The following WDR76 variants were observed in gnomAD, a reference collection of about 807,000 sequenced individuals.
The protein encoded by WDR76 is WD repeat-containing protein 76.
In WDR76, 52 loss-of-function variants were observed where a neutral mutation model predicts 70.2. The ratio of observed to expected loss-of-function variants is 0.74; its 90% CI spans 0.59 to 0.93. The LOEUF (loss-of-function observed/expected upper bound fraction) is 0.93. Ranked by LOEUF, WDR76 falls within the 40% of genes least tolerant of loss-of-function variation. The pLI is 0.00. For missense variants in WDR76, 756 were observed against 760.2 expected, an observed-to-expected ratio of 0.99 and a Z score of 0.07; for synonymous variants, 292 against 271.1, an observed-to-expected ratio of 1.08 and a Z score of -0.76.
chr15:43,827,300 CCTT>C (rs1485643853), intron 1 of WDR76, among the ~76,000 whole-genome samples: 7 of 152,154 alleles, frequency 4.6e-5, no homozygotes, highest in Non-Finnish European at 7.3e-5. Context: ...CTTTCTTCAA[CCTT>C]CTGCGTTTTC....
intron 7 of WDR76, among the ~76,000 whole-genome samples, chr15:43,843,086 C>G (rs2140302962): frequency 7.0e-6 from 1 of 143,148 alleles, no homozygotes; most frequent in Non-Finnish European, 1.5e-5. Flanking sequence ...TGCAGTGGCA[C>G]TATCTTGGCT....
At position 43,861,316 on chromosome 15, in the gene WDR76, C is replaced by G; in HGVS notation, c.1563-17C>G. 6.2e-7 allele frequency: 1 copy of G among 1,609,956 alleles called. No individual in the cohort carries two copies. The highest frequency in any genetic ancestry group is 8.5e-7 in the Non-Finnish European group (1 of 1,176,550). On this transcript the variant is annotated splice_polypyrimidine_tract_variant and intron_variant, in intron 11 of 12. Transcript: ENST00000263795. Reference sequence around the variant, plus strand: ...TTTTAAGTAACAAAAGAATGTCTTACTCTCTTTATTTTGCAGAATTTTTGA... The same window carrying G: ...TTTTAAGTAACAAAAGAATGTCTTAGTCTCTTTATTTTGCAGAATTTTTGA...
chr15:43,862,079 A>G (rs935187162), intron 12 of WDR76, among the ~76,000 whole-genome samples: 3 of 151,108 alleles, frequency 2.0e-5, no homozygotes, highest in Non-Finnish European at 4.4e-5. Flanking sequence ...CTTGTGATCC[A>G]CCCGCCTCGG....
chr15:43,852,989 A>G (rs1398935529), intron 9 of WDR76, among the ~76,000 whole-genome samples: 1 of 152,024 alleles, frequency 6.6e-6, no homozygotes, highest in Non-Finnish European at 1.5e-5. Flanking sequence ...CCCGGGTTCA[A>G]GCAATTCTCC....
At chr15:43,849,868 A>G (rs2087834736) in intron 8 of WDR76, among the ~76,000 whole-genome samples, 1 of 152,030 alleles carries the variant, frequency 6.6e-6, no homozygotes, top group Non-Finnish European at 1.5e-5. Context: ...ATCTTTGTAC[A>G]TTTCTGCATT....
At chr15:43,846,835 C>T (rs899209377) in intron 8 of WDR76, among the ~76,000 whole-genome samples, 2 of 151,858 alleles carry the variant, frequency 1.3e-5, no homozygotes, top group East Asian at 3.9e-4. Flanking sequence ...CCAGCCTGAA[C>T]AACATGATGA....
intron 9 of WDR76, among the ~76,000 whole-genome samples, chr15:43,852,378 G>A (rs1261286161): frequency 6.6e-6 from 1 of 150,958 alleles, no homozygotes; most frequent in East Asian, 2.0e-4. Context: ...TGTCGTCGTT[G>A]TTGTTGTTGT....
chr15:43,836,820 C>T (rs1291923468), intron 4 of WDR76, among the ~76,000 whole-genome samples: 1 of 150,028 alleles, frequency 6.7e-6, no homozygotes, highest in Non-Finnish European at 1.5e-5. Flanking sequence ...CACCTGAGGT[C>T]GAGAGTTCAA....
intron 7 of WDR76, 27 bp downstream of exon 7, chr15:43,842,698 T>G (rs1327385581): frequency 1.3e-6 from 2 of 1,595,376 alleles, no homozygotes; most frequent in Non-Finnish European, 1.7e-6. Flanking sequence ...TGTGTTTCTT[T>G]TATATTTTTT....
Position 43,851,206 on chromosome 15 carries a change from G to A in WDR76, c.1152G>A (p.Thr384=), listed in dbSNP as rs111516381. 9.3e-4 allele frequency: 1,501 copies of A among 1,614,122 alleles called. 13 individuals are homozygous for A. The African/African-American group carries it at 0.018, about 19-fold the overall frequency. The change falls in exon 9 of 13, where the codon ACG becomes ACA. Residue 384 remains threonine, a synonymous_variant. Transcript: ENST00000263795. The part of the protein sequence containing the change: ...AHILSLSYDG[T]LRCGDFSRAI... ...TACTGTCACTGAGCTATGATGGCAC[G>A]TTACGCTGTGGGGATTTTTCCAGGG...
intron 8 of WDR76, among the ~76,000 whole-genome samples, chr15:43,849,827 C>G (rs547338640): frequency 4.6e-5 from 7 of 152,180 alleles, no homozygotes; most frequent in African/African-American, 1.7e-4. Context: ...AGCCACCGCG[C>G]CTGGCCTGGA....
chr15:43,834,948 A>G (rs1210751991), intron 2 of WDR76, 113 bp from the exon 3 acceptor site: 6 of 848,146 alleles, frequency 7.1e-6, no homozygotes, highest in Non-Finnish European at 1.9e-6. Context: ...ATGAATAGAG[A>G]TAGTACAATT....
At chr15:43,846,696 C>T (rs192914287) in intron 8 of WDR76, among the ~76,000 whole-genome samples, 1 of 151,952 alleles carries the variant, frequency 6.6e-6, no homozygotes, top group African/African-American at 2.4e-5. Context: ...ACATAAAAAT[C>T]CTTTTTTCAT....
Position 43,866,325 on chromosome 15 carries a change from G to A in WDR76, c.1814G>A (p.Arg605Gln), listed in dbSNP as rs140407429. Residue 605 changes from arginine (R) to glutamine (Q), a missense_variant, in exon 13 of 13, where the codon CGG (arginine) becomes CAG (glutamine). Coordinates refer to ENST00000263795, the MANE Select transcript of WDR76 (RefSeq NM_024908.4). ...TCCATCAATGCCATGCACCCAACTC[G>A]GTATATTTTGGCTGGAGGTAATTCC... ...VCSINAMHPT[R>Q]YILAGGNSSG... 7.4e-6 allele frequency: 12 copies of A among 1,613,924 alleles called. No individual in the cohort carries two copies. The highest frequency in any genetic ancestry group is 2.2e-5 in the East Asian group (1 of 44,886).
chr15:43,856,799 A>G (rs965310716), intron 9 of WDR76, 147 bp from the exon 10 acceptor site: 1 of 659,288 alleles, frequency 1.5e-6, no homozygotes, highest in Non-Finnish European at 2.6e-6. Context: ...TGTTTCCATT[A>G]TGTCCTGTGC....
At chr15:43,839,777 A>C in intron 5 of WDR76, 49 bp downstream of exon 5, 1 of 1,526,560 alleles carries the variant, frequency 6.6e-7, no homozygotes, top group Non-Finnish European at 8.8e-7. Context: ...AATACTGAAA[A>C]ATTTGAAGTG....
chr15:43,834,467 AT>A (rs34962536), intron 2 of WDR76, among the ~76,000 whole-genome samples: 84,050 of 137,030 alleles, frequency 0.61, 26,680 homozygotes, highest in East Asian at 0.72. Flanking sequence ...TACCTGGCTA[AT>A]TTTTTTTTTT....
chr15:43,856,803 C>G, intron 9 of WDR76, 143 bp from the exon 10 acceptor site: 1 of 670,674 alleles, frequency 1.5e-6, no homozygotes, highest in Non-Finnish European at 2.5e-6. Context: ...TCCATTATGT[C>G]CTGTGCATCT....
In WDR76 at chr15:43,858,832, G is replaced by A. The variant is rs547917744; in HGVS notation, c.1562+9G>A. 2.5e-6 allele frequency: 4 copies of A among 1,610,862 alleles called. No homozygotes were observed. The highest frequency in any genetic ancestry group is 2.7e-5 in the African/African-American group (2 of 74,828). ...GCTGATTGTAATCTGAGGTAAATTG[G>A]GAAGGCAGAAATGTTTTTAGGGAAT... On this transcript the variant is annotated intron_variant, in intron 11 of 12. Transcript: ENST00000263795.
Sources: allele counts gnomAD v4.1 joint callset (sites outside exome capture counted in the v4.1 genomes callset), GRCh38; gene constraint gnomAD v4.1.1; transcripts MANE v1.5; gene names NCBI Gene and HGNC (gene_info 2026-07-23, HGNC 2026-07-21).